KDM1B: variants seen among roughly 807,000 people sequenced by gnomAD.
The protein encoded by KDM1B is lysine-specific histone demethylase 2.
A neutral mutation model predicts 107.4 loss-of-function variants in KDM1B; 63 were observed. The observed-to-expected ratio is 0.59, with a 90% CI of 0.48 to 0.72. The LOEUF is 0.72. KDM1B is among the 30% of genes least tolerant of loss of function. The pLI is 0.00. For synonymous variants in KDM1B, 363 were observed against 363.9 expected (o/e 1.00, Z 0.03); for missense variants, 749 against 1,020.8 (o/e 0.73, Z 3.63).
In KDM1B at chr6:18,197,221, G is replaced by A. The variant is rs1787708781; in HGVS notation, c.1134G>A (p.Lys378=). The A allele has an allele frequency of 2.5e-6, 4 of 1,613,600 alleles. No homozygotes were observed. In the South Asian group the frequency reaches 3.3e-5, roughly 13 times the overall value. ...SVGADQYLLP[K]DYHNKSVIII... is the part of the protein sequence containing the mutation. Reference sequence around the variant, plus strand: ...GAGCCGACCAGTATCTTCTCCCTAAGGACTACCACAATGTAGGTGATTATA... The same window carrying A: ...GAGCCGACCAGTATCTTCTCCCTAAAGACTACCACAATGTAGGTGATTATA... The change falls in exon 11 of 22, where the codon AAG becomes AAA. Residue 378 remains lysine, a synonymous_variant. Coordinates refer to ENST00000650836, the MANE Select transcript of KDM1B (RefSeq NM_001364614.2). This position sits in a 1 kb window ranked among gnomAD's most constrained non-coding sequence, Gnocchi z 4.5.
chr6:18,172,825 C>T lies in KDM1B; in HGVS notation c.534+1346C>T, dbSNP rs1785742687. Among the ~76,000 whole-genome samples the T allele has an allele frequency of 6.6e-6, 1 of 151,960 alleles. No individual in the cohort carries two copies. Among genetic ancestry groups the T allele is most frequent in the South Asian group, 2.1e-4 (1 of 4,816 alleles). On this transcript the variant is annotated intron_variant, in intron 7 of 21. Transcript: ENST00000650836. This position sits in a 1 kb window ranked among gnomAD's most constrained non-coding sequence, Gnocchi z 5.2. ...TTAGGAGTGGTTGGGCGCGGTGGCT[C>T]ACACCTGTAATCCCAGCACTTTGGG...
At position 18,203,579 on chromosome 6, in the gene KDM1B, G is replaced by A. The variant is rs1022521203; in HGVS notation, c.1531+1922G>A. Among the ~76,000 whole-genome samples, 4 of 152,160 alleles carry A rather than the reference G, an allele frequency of 2.6e-5. No homozygotes were observed. Among genetic ancestry groups the A allele is most frequent in the African/African-American group, 9.7e-5 (4 of 41,424 alleles). ...ACATAAAAATCACACTGTGCTGGGC[G>A]CGGTGGCTAACGCCTGTAATCTCAG... On this transcript the variant is annotated intron_variant, in intron 14 of 21. Coordinates refer to ENST00000650836, the MANE Select transcript of KDM1B (RefSeq NM_001364614.2). This position sits in a 1 kb window ranked among gnomAD's most constrained non-coding sequence, Gnocchi z 5.5.
intron 10 of KDM1B, among the ~76,000 whole-genome samples, chr6:18,193,919 G>A (rs898680139): frequency 2.0e-5 from 3 of 151,886 alleles, no homozygotes; most frequent in African/African-American, 7.3e-5. Context: ...TGTTGCCCAG[G>A]CTGGAGTGCA....
rs765723861 is a variant in KDM1B, at chr6:18,161,473, C to T, written c.215+19C>T. 13 of 1,611,144 alleles carry T rather than the reference C, an allele frequency of 8.1e-6. No homozygotes were observed. The Admixed American group carries it at 1.2e-4, about 15-fold the overall frequency. On this transcript the variant is annotated intron_variant, in intron 4 of 21. Transcript: ENST00000650836. ...CTGAAAGGTCTGTTTAGATGTGTGTCTTGGCCTCCCATTTCTGCTTGTGAG... is the reference window on the plus strand; with the variant it reads ...CTGAAAGGTCTGTTTAGATGTGTGTTTTGGCCTCCCATTTCTGCTTGTGAG...
chr6:18,215,506 T>C (rs1789150239), intron 20 of KDM1B, among the ~76,000 whole-genome samples: 1 of 152,110 alleles, frequency 6.6e-6, no homozygotes, highest in Admixed American at 6.6e-5. Context: ...TCATCTCCTC[T>C]TCTTATGAGG....
At chr6:18,173,106 A>C (rs1033912051) in intron 7 of KDM1B, among the ~76,000 whole-genome samples, 2 of 148,616 alleles carry the variant, frequency 1.3e-5, no homozygotes, top group Non-Finnish European at 3.0e-5. Context: ...AAAAAAAAAA[A>C]GTGTAATCAG....
At position 18,223,041 on chromosome 6, in the gene KDM1B, ACT is replaced by A. The variant is rs1789885197; in HGVS notation, c.*1051_*1052del. The A allele has an allele frequency of 6.6e-6, 1 of 152,556 alleles. No homozygotes were observed. The highest frequency in any genetic ancestry group is 1.5e-5 in the Non-Finnish European group (1 of 68,030). The allele number at this position is 152,556 out of a possible 1,614,324, so 9.5% of individuals were successfully genotyped here. ...TTACTTTTATCTTTTTTTTAAAAAC[ACT>A]CATGACAGAAAACAGTTTAATAATA... On this transcript the variant is annotated 3_prime_UTR_variant, in exon 22 of 22. Transcript: ENST00000650836.
chr6:18,162,728 G>A lies in KDM1B; in HGVS notation c.216-107G>A. 1.5e-6 allele frequency: 1 copy of A among 669,668 alleles called. No homozygotes were observed. The highest frequency in any genetic ancestry group is 2.7e-6 in the Non-Finnish European group (1 of 366,584). 41.5% of individuals were successfully genotyped at this position (669,668 alleles called of 1,614,324 possible). On this transcript the variant is annotated intron_variant, in intron 4 of 21. Coordinates refer to ENST00000650836, the MANE Select transcript of KDM1B (RefSeq NM_001364614.2). The surrounding 1 kb of genome is among the most constrained non-coding windows in gnomAD (Gnocchi z 4.1). Reference sequence around the variant, plus strand: ...CCCTGTCCTTAAGGGGCTAAGTGGAGATAATGCAAAATGGGTTCATAGATG... The same window carrying A: ...CCCTGTCCTTAAGGGGCTAAGTGGAAATAATGCAAAATGGGTTCATAGATG...
At chr6:18,208,318 CTTG>C in intron 17 of KDM1B, 112 bp downstream of exon 17, 1 of 731,088 alleles carries the variant, frequency 1.4e-6, no homozygotes, top group Admixed American at 2.6e-5. Flanking sequence ...TGCCTGGACC[CTTG>C]TTGGATTTCT....
At chr6:18,177,280 T>C (rs989190312) in intron 7 of KDM1B, among the ~76,000 whole-genome samples, 6 of 152,168 alleles carry the variant, frequency 3.9e-5, no homozygotes, top group Non-Finnish European at 7.3e-5. Context: ...CCTCGAATGA[T>C]CTTTTGTATT....
rs182212725 is a variant in KDM1B at position 18,222,002 on chromosome 6, G to A, written c.*10G>A. 7 of 1,612,992 alleles carry A rather than the reference G, an allele frequency of 4.3e-6. No homozygotes were observed. Among genetic ancestry groups the A allele is most frequent in the East Asian group, 2.2e-5 (1 of 44,872 alleles). ...GATTGCAGCATTTTAAGAATTCGGT[G>A]GACCCAGCTTTCTTCTGTACCCCAG... On this transcript the variant is annotated 3_prime_UTR_variant, in exon 22 of 22. Transcript: ENST00000650836.
At chr6:18,173,878 C>T (rs893805596) in intron 7 of KDM1B, among the ~76,000 whole-genome samples, 15 of 152,044 alleles carry the variant, frequency 9.9e-5, no homozygotes, top group South Asian at 2.1e-4. Flanking sequence ...CTCCGCCTCC[C>T]GGGTTCAAGC....
chr6:18,213,834 T>A lies in KDM1B; in HGVS notation c.2109+53T>A. 1 of 1,600,072 alleles carries A rather than the reference T, an allele frequency of 6.2e-7. No individual in the cohort carries two copies. The highest frequency in any genetic ancestry group is 1.1e-5 in the South Asian group (1 of 90,652). On this transcript the variant is annotated intron_variant, in intron 19 of 21. Transcript: ENST00000650836. The surrounding 1 kb of genome is among the most constrained non-coding windows in gnomAD (Gnocchi z 5.9). Reference sequence around the variant, plus strand: ...AATTTCCGTCTTAAAGTTTAGAATTTGATGTGATAATTACTCACCTATCAA... The same window carrying A: ...AATTTCCGTCTTAAAGTTTAGAATTAGATGTGATAATTACTCACCTATCAA...
At chr6:18,215,488 C>G (rs1455504156) in intron 20 of KDM1B, among the ~76,000 whole-genome samples, 3 of 152,132 alleles carry the variant, frequency 2.0e-5, no homozygotes, top group East Asian at 3.9e-4. Context: ...CTGTGTGTGT[C>G]TGTGTCCTCA....
chr6:18,220,247 T>A (rs1490367225), intron 21 of KDM1B, among the ~76,000 whole-genome samples: 2 of 152,306 alleles, frequency 1.3e-5, no homozygotes, highest in Admixed American at 6.5e-5. Context: ...ATAGTTACCG[T>A]TTTTGTTTAC....
At chr6:18,164,854 C>T (rs1785194728) in intron 5 of KDM1B, among the ~76,000 whole-genome samples, 1 of 152,196 alleles carries the variant, frequency 6.6e-6, no homozygotes. Flanking sequence ...CCATGTTGGC[C>T]AGGCTGGTCT....
At chr6:18,208,729 C>T (rs1160478139) in intron 17 of KDM1B, among the ~76,000 whole-genome samples, 3 of 141,570 alleles carry the variant, frequency 2.1e-5, no homozygotes, top group African/African-American at 7.8e-5. Context: ...ACTGCAAGCT[C>T]CGCCTCCCGG....
chr6:18,221,017 T>C (rs1582232883), intron 21 of KDM1B, among the ~76,000 whole-genome samples: 3 of 151,922 alleles, frequency 2.0e-5, no homozygotes, highest in African/African-American at 7.3e-5. Flanking sequence ...AGTGTTGGGA[T>C]TACATGCGTG....
rs192061486 is a variant in KDM1B, at chr6:18,159,209, G to T, written c.-13-674G>T. On this transcript the variant is annotated intron_variant, in intron 2 of 21. Coordinates refer to ENST00000650836, the MANE Select transcript of KDM1B (RefSeq NM_001364614.2). The surrounding 1 kb of genome is among the most constrained non-coding windows in gnomAD (Gnocchi z 4.5). Reference sequence around the variant, plus strand: ...TCTCGAACTCCTGACCTCATGATCCGCCTGCCTGGGCCTTGCAAAGTGCTG... The same window carrying T: ...TCTCGAACTCCTGACCTCATGATCCTCCTGCCTGGGCCTTGCAAAGTGCTG... Among the ~76,000 whole-genome samples, 2 of 152,166 alleles carry T rather than the reference G, an allele frequency of 1.3e-5. No individual in the cohort carries two copies. The highest frequency in any genetic ancestry group is 3.4e-3 in the Middle Eastern group (1 of 294).
Sources: gnomAD v4.1 joint callset for allele counts (sites outside exome capture counted in the v4.1 genomes callset) on GRCh38, gnomAD v4.1.1 for gene constraint, Gnocchi (gnomAD v3.1) non-coding constraint, MANE v1.5 for transcripts, NCBI Gene and HGNC (gene_info 2026-07-23, HGNC 2026-07-21) for gene names.